RBMS2: variants seen among roughly 807,000 people sequenced by gnomAD.
RBMS2 encodes the protein RNA-binding motif, single-stranded-interacting protein 2.
RBMS2 carries 38 observed loss-of-function variants against 58.4 expected under a neutral mutation model. The ratio of observed to expected loss-of-function variants is 0.65; its 90% CI spans 0.50 to 0.85. The LOEUF (loss-of-function observed/expected upper bound fraction) is 0.85. RBMS2 is among the 40% of genes least tolerant of loss of function. The pLI, the probability that RBMS2 is intolerant of heterozygous loss-of-function variation, is 0.00. For missense variants in RBMS2, 367 were observed against 503.7 expected, an observed-to-expected ratio of 0.73 and a Z score of 2.60; for synonymous variants, 151 against 180.7, an observed-to-expected ratio of 0.84 and a Z score of 1.32.
chr12:56,547,309 C>T (rs914142023), intron 1 of RBMS2, among the ~76,000 whole-genome samples: 9 of 151,840 alleles, frequency 5.9e-5, no homozygotes, highest in East Asian at 3.9e-4. Context: ...GAGCTGAGAT[C>T]GCACCACTGC....
chr12:56,537,710 G>T (rs1174479887), intron 1 of RBMS2, among the ~76,000 whole-genome samples: 2 of 151,992 alleles, frequency 1.3e-5, no homozygotes, highest in Non-Finnish European at 2.9e-5. Flanking sequence ...AATTCTTTTG[G>T]GTATATACCC....
Position 56,587,191 on chromosome 12 carries a change from C to T in RBMS2, c.951+265C>T, listed in dbSNP as rs149904056. ...CTGATACAGGAGAATTGCTTAAATT[C>T]GGGAGGCAGAGGTTGCAGTGAGCTG... On this transcript the variant is annotated intron_variant, in intron 10 of 13. Coordinates refer to ENST00000262031, the MANE Select transcript of RBMS2 (RefSeq NM_002898.4). 3.9e-3 allele frequency among the ~76,000 whole-genome samples: 593 copies of T among 150,768 alleles called. 2 individuals carry two copies. Among genetic ancestry groups the T allele is most frequent in the African/African-American group, 0.013 (546 of 41,042 alleles).
chr12:56,526,960 G>A (rs1017538360), intron 1 of RBMS2, among the ~76,000 whole-genome samples: 2 of 152,046 alleles, frequency 1.3e-5, no homozygotes, highest in Non-Finnish European at 2.9e-5. Context: ...CTTCTCCAAC[G>A]TACTTTTCAT....
chr12:56,552,258 G>A (rs376914029), intron 1 of RBMS2, among the ~76,000 whole-genome samples: 2 of 152,352 alleles, frequency 1.3e-5, no homozygotes, highest in African/African-American at 2.4e-5. Context: ...GAGGTGGGAA[G>A]TAGTCTCAAG....
rs34784910 is a variant in RBMS2, at chr12:56,558,038, C to CT, written c.67-4355dup. Among the ~76,000 whole-genome samples, 274 of 28,450 alleles carry CT rather than the reference C, an allele frequency of 9.6e-3. 5 individuals carry two copies. The highest frequency in any genetic ancestry group is 0.01 in the African/African-American group (87 of 8,302). 18.7% of individuals were successfully genotyped at this position (28,450 alleles called of 152,430 possible). ...ACAGGCATGAGCCACCTCGCCCGGG[C>CT]TTTTTTTTTTTTTTTTTTTTTTTTG... is the stretch of plus-strand genomic sequence containing the variant. On this transcript the variant is annotated intron_variant, in intron 1 of 13. Coordinates refer to ENST00000262031, the MANE Select transcript of RBMS2 (RefSeq NM_002898.4).
chr12:56,542,897 TTTTATTTATTTA>T (rs753325743), intron 1 of RBMS2, among the ~76,000 whole-genome samples: 9 of 151,312 alleles, frequency 5.9e-5, no homozygotes, highest in Non-Finnish European at 1.3e-4. Context: ...TTTTTATTAT[TTTTATTTATTTA>T]TTTATTTATT....
At position 56,588,941 on chromosome 12, in the gene RBMS2, GGCC is replaced by G. The variant is rs1264001113; in HGVS notation, c.1154_1156del (p.Gly385_Gln386delinsGlu). ...CTTGGCTATGGCACAGGAGAGCAGC[GGCC>G]AACAGAACCAAGTGGCAGTGGACGC... is the stretch of plus-strand genomic sequence containing the variant. On this transcript the variant is annotated inframe_deletion, in exon 13 of 14. Transcript: ENST00000262031. 6.2e-7 allele frequency: 1 copy of G among 1,614,026 alleles called. No individual in the cohort carries two copies. The highest frequency in any genetic ancestry group is 8.5e-7 in the Non-Finnish European group (1 of 1,180,036).
At chr12:56,567,159 TG>T (rs1881477624) in intron 2 of RBMS2, among the ~76,000 whole-genome samples, 1 of 150,694 alleles carries the variant, frequency 6.6e-6, no homozygotes, top group Non-Finnish European at 1.5e-5. Flanking sequence ...CTGAGGCGGG[TG>T]GATCACCTGA....
upstream of RBMS2, among the ~76,000 whole-genome samples, chr12:56,521,503 T>C (rs989911396): frequency 7.1e-5 from 2 of 28,084 alleles, no homozygotes; most frequent in Non-Finnish European, 2.8e-4. Flanking sequence ...TCTAACTCTG[T>C]TTTTTTTTTT....
intron 1 of RBMS2, among the ~76,000 whole-genome samples, chr12:56,524,866 C>T (rs1031562695): frequency 6.6e-6 from 1 of 151,124 alleles, no homozygotes; most frequent in Non-Finnish European, 1.5e-5. Flanking sequence ...ATTACAGGTG[C>T]CCGCCACCAC....
chr12:56,573,745 T>C (rs1326849586), intron 5 of RBMS2, among the ~76,000 whole-genome samples: 3 of 150,106 alleles, frequency 2.0e-5, no homozygotes, highest in Non-Finnish European at 3.0e-5. Context: ...AACTGAATGG[T>C]CCACACTTTT....
rs555083608 is a variant in RBMS2 at position 56,550,845 on chromosome 12, A to T, written c.67-11572A>T. Reference sequence around the variant, plus strand: ...TGACAGAGCAAGACTCTGTATCAAAAAAATAAATAAATAAATAAATAATAA... The same window carrying T: ...TGACAGAGCAAGACTCTGTATCAAATAAATAAATAAATAAATAAATAATAA... On this transcript the variant is annotated intron_variant, in intron 1 of 13. Transcript: ENST00000262031. Among the ~76,000 whole-genome samples the T allele has an allele frequency of 1.7e-4, 26 of 151,514 alleles. 3 individuals carry two copies. Among genetic ancestry groups the T allele is most frequent in the Admixed American group, 5.9e-4 (9 of 15,188 alleles).
Position 56,595,934 on chromosome 12 carries a change from T to TATC in RBMS2, c.*6803_*6805dup, listed in dbSNP as rs1555203725. ...GAATACACAGAGTCTTTTGAATCTCTATCAAATGTGGTTTTTTTTATTCAA... is the reference window on the plus strand; with the variant it reads ...GAATACACAGAGTCTTTTGAATCTCTATCATCAAATGTGGTTTTTTTTATTCAA... On this transcript the variant is annotated 3_prime_UTR_variant, in exon 14 of 14. Transcript: ENST00000262031. 3.8e-5 allele frequency: 2 copies of TATC among 52,000 alleles called. No homozygotes were observed. Among genetic ancestry groups the TATC allele is most frequent in the Non-Finnish European group, 7.0e-5 (2 of 28,400 alleles). The allele number at this position is 52,000 out of a possible 1,614,324, so 3.2% of individuals were successfully genotyped here.
chr12:56,577,331 A>G (rs1186399741), intron 5 of RBMS2, among the ~76,000 whole-genome samples: 2 of 151,498 alleles, frequency 1.3e-5, no homozygotes, highest in Non-Finnish European at 2.9e-5. Flanking sequence ...GAATCATTTG[A>G]ACCCAGGAGG....
chr12:56,522,723 T>C (rs987736985), intron 1 of RBMS2, among the ~76,000 whole-genome samples: 2 of 152,120 alleles, frequency 1.3e-5, no homozygotes, highest in Admixed American at 6.6e-5. Flanking sequence ...CCTCTGCAGA[T>C]AGCCAGACTT....
At chr12:56,575,907 A>T (rs894488086) in intron 5 of RBMS2, among the ~76,000 whole-genome samples, 2 of 152,062 alleles carry the variant, frequency 1.3e-5, no homozygotes, top group Non-Finnish European at 2.9e-5. Flanking sequence ...AGAAAAAAAA[A>T]AAAATAGAGT....
Position 56,588,783 on chromosome 12 carries a change from G to T in RBMS2, c.1144-149G>T, listed in dbSNP as rs554337341. On this transcript the variant is annotated intron_variant, in intron 12 of 13. Transcript: ENST00000262031. ...AGGCTGTAGGAAGGTTGGGGAAGTG[G>T]TGGTGTGGGTGGAAACACTCACACA... 5.0e-5 allele frequency: 36 copies of T among 725,450 alleles called. No homozygotes were observed. The African/African-American group carries it at 6.1e-4, about 12-fold the overall frequency. The allele number at this position is 725,450 out of a possible 1,614,324, so 44.9% of individuals were successfully genotyped here. A position where few individuals can be genotyped will look rare whatever the true frequency, so the allele number is the denominator to read the frequency against.
chr12:56,568,516 T>A (rs926361135), intron 2 of RBMS2, among the ~76,000 whole-genome samples: 1 of 151,928 alleles, frequency 6.6e-6, no homozygotes, highest in Admixed American at 6.6e-5. Flanking sequence ...AAGTGTGGCA[T>A]TTTTAACCCA....
chr12:56,587,266 T>G (rs1394641541), intron 10 of RBMS2, among the ~76,000 whole-genome samples: 1 of 144,700 alleles, frequency 6.9e-6, no homozygotes, highest in East Asian at 2.0e-4. Flanking sequence ...AAACTCCGTC[T>G]CAAAAAAAAA....
Sources: gnomAD v4.1 joint callset for allele counts (sites outside exome capture counted in the v4.1 genomes callset) on GRCh38, gnomAD v4.1.1 for gene constraint, MANE v1.5 for transcripts, NCBI Gene and HGNC (gene_info 2026-07-23, HGNC 2026-07-21) for gene names.